Variants in EML4 observed in about 807,000 individuals in gnomAD.
EML4 encodes the protein echinoderm microtubule-associated protein-like 4.
In EML4, 72 loss-of-function variants were observed where a neutral mutation model predicts 129.0. The observed-to-expected ratio is 0.56, with a 90% CI of 0.46 to 0.68. The LOEUF (loss-of-function observed/expected upper bound fraction) is 0.68, where lower values mean the gene tolerates loss of function less well. Ranked by LOEUF, EML4 falls within the 30% of genes least tolerant of loss-of-function variation. The probability of loss-of-function intolerance (pLI) is 0.00; values close to 1 mark genes in which losing one functional copy is unlikely to be tolerated. For synonymous variants in EML4, 532 were observed against 405.0 expected (o/e 1.31, Z -3.77); for missense variants, 1,363 against 1,190.6 (o/e 1.14, Z -2.13).
chr2:42,199,312 T>A (rs1572527748), intron 1 of EML4, among the ~76,000 whole-genome samples: 1 of 152,180 alleles, frequency 6.6e-6, no homozygotes, highest in South Asian at 2.1e-4. Context: ...GCTAGGATGT[T>A]CACGTGGATT....
intron 18 of EML4, among the ~76,000 whole-genome samples, chr2:42,316,582 T>C (rs1284720438): frequency 6.6e-6 from 1 of 152,248 alleles, no homozygotes; most frequent in Non-Finnish European, 1.5e-5. Flanking sequence ...AGAATAATTA[T>C]TTGTACTTTA....
intron 1 of EML4, among the ~76,000 whole-genome samples, chr2:42,205,445 A>G (rs759837039): frequency 2.0e-5 from 3 of 151,826 alleles, no homozygotes; most frequent in Admixed American, 6.6e-5. Context: ...AGCTTGCCCA[A>G]TAATAATAAT....
chr2:42,332,205 G>C lies in EML4; in HGVS notation c.*1998G>C, dbSNP rs1396394759. On this transcript the variant is annotated 3_prime_UTR_variant, in exon 23 of 23. Coordinates refer to ENST00000318522, the MANE Select transcript of EML4 (RefSeq NM_019063.5). ...TACAGCTCTCAGTGATCAGCAGGGA[G>C]TTTATTTGAGGACATCAGTCACCTT... is the stretch of plus-strand genomic sequence containing the variant. 9.2e-6 allele frequency: 2 copies of C among 218,424 alleles called. No individual in the cohort carries two copies. Among genetic ancestry groups the C allele is most frequent in the Non-Finnish European group, 1.8e-5 (2 of 108,680 alleles). 13.5% of individuals were successfully genotyped at this position (218,424 alleles called of 1,614,324 possible).
Position 42,245,492 on chromosome 2 carries a change from T to C in EML4, c.26-13T>C, listed in dbSNP as rs202031663. ...TTACTTAAAAATATTCCATATTTTA[T>C]TTTATTTTATAGATGATAGTATTTC... On this transcript the variant is annotated splice_polypyrimidine_tract_variant and intron_variant, in intron 1 of 22. Coordinates refer to ENST00000318522, the MANE Select transcript of EML4 (RefSeq NM_019063.5). The C allele has an allele frequency of 2.3e-4, 366 of 1,573,922 alleles. No homozygotes were observed. Among genetic ancestry groups the C allele is most frequent in the Non-Finnish European group, 2.8e-4 (321 of 1,156,746 alleles).
At chr2:42,317,663 T>TA in intron 19 of EML4, 139 bp downstream of exon 19, 2 of 607,658 alleles carry the variant, frequency 3.3e-6, no homozygotes, top group Non-Finnish European at 5.8e-6. Context: ...GAACTGGTAA[T>TA]ACATGATAGC....
intron 1 of EML4, among the ~76,000 whole-genome samples, chr2:42,207,254 T>C (rs550126824): frequency 2.6e-4 from 39 of 152,288 alleles, no homozygotes; most frequent in African/African-American, 7.2e-4. Context: ...AATGTATATC[T>C]TTTACTAAAA....
chr2:42,244,761 A>C (rs936327553), intron 1 of EML4, among the ~76,000 whole-genome samples: 3 of 152,202 alleles, frequency 2.0e-5, no homozygotes, highest in Admixed American at 2.0e-4. Context: ...TATCTGATAC[A>C]TAAAACCAAA....
In EML4 at chr2:42,288,332, TA is replaced by T. The variant is rs764540811; in HGVS notation, c.1218+16del. 7 of 1,383,254 alleles carry T rather than the reference TA, an allele frequency of 5.1e-6. 2 individuals are homozygous for T. In the South Asian group the frequency reaches 8.4e-5, roughly 17 times the overall value. 85.7% of individuals were successfully genotyped at this position (1,383,254 alleles called of 1,614,324 possible). On this transcript the variant is annotated intron_variant, in intron 11 of 22. Transcript: ENST00000318522. The stretch of plus-strand genomic sequence containing the variant: ...AGGAGCAGAAATAAAGGTAAATTTT[TA>T]AAAAACCGAGTATTGTGTTTTAGAG...
At chr2:42,291,702 C>T (rs938562259) in intron 11 of EML4, among the ~76,000 whole-genome samples, 4 of 151,838 alleles carry the variant, frequency 2.6e-5, no homozygotes, top group Admixed American at 6.6e-5. Flanking sequence ...CACCACGCCC[C>T]GCCTATCAAG....
At chr2:42,260,379 G>T (rs948797109) in intron 3 of EML4, among the ~76,000 whole-genome samples, 1 of 152,116 alleles carries the variant, frequency 6.6e-6, no homozygotes, top group Admixed American at 6.5e-5. Context: ...TGTTGCCTGG[G>T]CTGGTCTTGA....
chr2:42,232,552 C>G (rs560771539), intron 1 of EML4, among the ~76,000 whole-genome samples: 1 of 152,284 alleles, frequency 6.6e-6, no homozygotes. Context: ...ATGTTTCAAA[C>G]ACATTATATA....
At chr2:42,275,492 T>C (rs1289757535) in intron 6 of EML4, among the ~76,000 whole-genome samples, 2 of 152,206 alleles carry the variant, frequency 1.3e-5, no homozygotes, top group Non-Finnish European at 2.9e-5. Flanking sequence ...AAAAGGAGGT[T>C]AGACTAGGAG....
In EML4 at chr2:42,278,936, GA is replaced by G. The variant is rs35126751; in HGVS notation, c.668-1902del. ...GGGCAACAAGAGCGAAACTCTCTTG[GA>G]AAAAAAAAAAATGTATTGATTTGAT... On this transcript the variant is annotated intron_variant, in intron 6 of 22. Transcript: ENST00000318522. Among the ~76,000 whole-genome samples the G allele has an allele frequency of 7.2e-4, 107 of 148,606 alleles. 1 individual carries two copies. The highest frequency in any genetic ancestry group is 2.0e-3 in the African/African-American group (83 of 40,524).
intron 1 of EML4, among the ~76,000 whole-genome samples, chr2:42,210,828 T>C (rs1430369536): frequency 6.6e-6 from 1 of 152,238 alleles, no homozygotes; most frequent in East Asian, 1.9e-4. Context: ...TTCCTTACTT[T>C]CTGGCACTAT....
At chr2:42,294,087 T>C (rs553262698) in intron 11 of EML4, among the ~76,000 whole-genome samples, 64 of 152,380 alleles carry the variant, frequency 4.2e-4, no homozygotes, top group African/African-American at 1.5e-3. Context: ...CTATAAAATA[T>C]CAATTTAGTG....
intron 2 of EML4, among the ~76,000 whole-genome samples, chr2:42,252,442 C>T (rs1296700630): frequency 1.3e-5 from 2 of 152,182 alleles, no homozygotes; most frequent in Non-Finnish European, 2.9e-5. Context: ...GACCACTGCC[C>T]TGAAATCAGT....
At chr2:42,231,592 T>C (rs1440904278) in intron 1 of EML4, among the ~76,000 whole-genome samples, 1 of 152,234 alleles carries the variant, frequency 6.6e-6, no homozygotes, top group Non-Finnish European at 1.5e-5. Flanking sequence ...CCTGTACTTT[T>C]TATCCTCTTA....
At chr2:42,245,242 G>A (rs114613827) in intron 1 of EML4, among the ~76,000 whole-genome samples, 8 of 151,112 alleles carry the variant, frequency 5.3e-5, no homozygotes, top group Non-Finnish European at 7.4e-5. Context: ...TTACAGGAGC[G>A]CATCATCATG....
rs1313753330 is a variant in EML4, at chr2:42,280,900, A to C, written c.718A>C (p.Ile240Leu). The change falls in exon 7 of 23, where the codon ATT becomes CTT. Residue 240 changes from isoleucine to leucine, a missense_variant. By Grantham distance (5) the Ile-to-Leu change is conservative (BLOSUM62 2). Coordinates refer to ENST00000318522, the MANE Select transcript of EML4 (RefSeq NM_019063.5). ...FMRGRPITMF[I>L]PSDVDNYDDI... ...GCGCGGTCGGCCAATTACCATGTTC[A>C]TTCCTTCCGATGTTGACAACTATGA... The C allele has an allele frequency of 1.2e-6, 2 of 1,612,368 alleles. No individual in the cohort carries two copies. Among genetic ancestry groups the C allele is most frequent in the Non-Finnish European group, 1.7e-6 (2 of 1,178,908 alleles).
Sources: gnomAD v4.1 joint callset for allele counts (sites outside exome capture counted in the v4.1 genomes callset) on GRCh38, gnomAD v4.1.1 for gene constraint, MANE v1.5 for transcripts, NCBI Gene and HGNC (gene_info 2026-07-23, HGNC 2026-07-21) for gene names.